Variants in ZNF366 observed in about 807,000 individuals in gnomAD.
ZNF366 encodes the protein zinc finger protein 366.
A neutral mutation model predicts 47.2 loss-of-function variants in ZNF366; 20 were observed. That is an observed-to-expected ratio of 0.42 (90% CI 0.30 to 0.62). The LOEUF is 0.62. ZNF366 is among the 20% of genes least tolerant of loss of function. The probability of loss-of-function intolerance (pLI) is 0.16; values close to 1 mark genes in which losing one functional copy is unlikely to be tolerated. For missense variants in ZNF366, 987 were observed against 976.3 expected, an observed-to-expected ratio of 1.01 and a Z score of -0.15; for synonymous variants, 421 against 395.1, an observed-to-expected ratio of 1.07 and a Z score of -0.78.
At chr5:72,447,549 A>G in intron 3 of ZNF366, 132 bp from the exon 4 acceptor site, 2 of 1,096,080 alleles carry the variant, frequency 1.8e-6, no homozygotes, top group Non-Finnish European at 2.6e-6. Context: ...GAAAATGTCC[A>G]TAAGGAAATC....
intron 1 of ZNF366, among the ~76,000 whole-genome samples, chr5:72,504,086 C>CACACACACACGCACACACACAT: frequency 6.6e-6 from 1 of 151,502 alleles, no homozygotes; most frequent in Non-Finnish European, 1.5e-5. Context: ...CACACATGCG[C>CACACACACACGCACACACACAT]GCGCACACAC....
intron 4 of ZNF366, among the ~76,000 whole-genome samples, chr5:72,445,707 C>A (rs1742946266): frequency 6.6e-6 from 1 of 152,162 alleles, no homozygotes; most frequent in Admixed American, 6.5e-5. Flanking sequence ...GTGTGGTCTC[C>A]TCACTGACTT....
rs149274675 is a variant in ZNF366 at position 72,490,998 on chromosome 5, G to A, written c.-15+16253C>T. Among the ~76,000 whole-genome samples, 126 of 152,300 alleles carry A rather than the reference G, an allele frequency of 8.3e-4. 1 individual carries two copies. The highest frequency in any genetic ancestry group is 2.7e-3 in the African/African-American group (114 of 41,578). On this transcript the variant is annotated intron_variant, in intron 1 of 4. Coordinates refer to ENST00000318442, the MANE Select transcript of ZNF366 (RefSeq NM_152625.3). ...TCCCTGACCTGTGGACTCTGAGTCC[G>A]AAGAAGACAGGGTCAGCTCTGAGCT... is the stretch of plus-strand genomic sequence containing the variant.
intron 3 of ZNF366, among the ~76,000 whole-genome samples, chr5:72,449,163 G>T (rs1743014146): frequency 6.6e-6 from 1 of 152,002 alleles, no homozygotes; most frequent in African/African-American, 2.4e-5. Flanking sequence ...TCAATCTGTG[G>T]CTCAGCATGC....
rs771722960 is a variant in ZNF366, at chr5:72,461,539, T to C, written c.-14-29A>G. 1.6e-5 allele frequency: 25 copies of C among 1,516,674 alleles called. No homozygotes were observed. In the Middle Eastern group the frequency reaches 7.1e-4, roughly 43 times the overall value. The allele number at this position is 1,516,674 out of a possible 1,614,324, so 94.0% of individuals were successfully genotyped here. On this transcript the variant is annotated intron_variant, in intron 1 of 4. Coordinates refer to ENST00000318442, the MANE Select transcript of ZNF366 (RefSeq NM_152625.3). ...TAAAGAGAAAGAAACTTGTGTGTTT[T>C]GGTTTGGTTTTGTTTAAAATTCTCT... is the stretch of plus-strand genomic sequence containing the variant.
chr5:72,497,286 C>T (rs566962032), intron 1 of ZNF366, among the ~76,000 whole-genome samples: 3 of 152,226 alleles, frequency 2.0e-5, no homozygotes, highest in South Asian at 4.1e-4. Context: ...TACATTCAGG[C>T]CTATGATCTA....
At position 72,442,963 on chromosome 5, in the gene ZNF366, T is replaced by G. The variant is rs1468018335; in HGVS notation, c.*793A>C. On this transcript the variant is annotated 3_prime_UTR_variant, in exon 5 of 5. Coordinates refer to ENST00000318442, the MANE Select transcript of ZNF366 (RefSeq NM_152625.3). ...GGCGTGAGCCTCTGCGCCCGGCCCC[T>G]GCATCTGTCTTATGGGGCATGAGGC... 6.6e-6 allele frequency: 1 copy of G among 152,412 alleles called. No individual in the cohort carries two copies. The allele number at this position is 152,412 out of a possible 1,614,324, so 9.4% of individuals were successfully genotyped here. A position where few individuals can be genotyped will look rare whatever the true frequency, so the allele number is the denominator to read the frequency against.
Position 72,444,195 on chromosome 5 carries a change from G to A in ZNF366, c.1796C>T (p.Ala599Val), listed in dbSNP as rs201639917. 9 of 1,613,436 alleles carry A rather than the reference G, an allele frequency of 5.6e-6. No homozygotes were observed. The East Asian group carries it at 2.0e-4, about 36-fold the overall frequency. Residue 599 changes from alanine to valine, a missense_variant, in exon 5 of 5, where the codon GCC (alanine) becomes GTC (valine). Transcript: ENST00000318442. ...EPFDLSQKRR[A>V]KVPVFQSDGE... ...GTCTGACTGGAACACCGGCACCTTG[G>A]CCCGGCGCTTCTGAGAGAGGTCAAA...
At chr5:72,456,212 C>T (rs145776949) in intron 3 of ZNF366, among the ~76,000 whole-genome samples, 192 bp downstream of exon 3, 10 of 152,292 alleles carry the variant, frequency 6.6e-5, no homozygotes, top group Admixed American at 1.3e-4. Context: ...TCCTTAGGGA[C>T]CTCCAGCCTG....
chr5:72,461,888 A>G (rs1743321150), intron 1 of ZNF366, among the ~76,000 whole-genome samples: 1 of 152,206 alleles, frequency 6.6e-6, no homozygotes, highest in Non-Finnish European at 1.5e-5. Context: ...AAATGAAATG[A>G]CATTCTCAAG....
chr5:72,443,982 G>T lies in ZNF366; in HGVS notation c.2009C>A (p.Ala670Glu). ...CCTCTTCTCCCATTCTCCCTTGGAT[G>T]CATCCTCCTTCTCCTCCTTGCAGGC... ...EEACKEEKEDASKGEWEKRSK... is the reference protein window; with the variant it reads ...EEACKEEKEDESKGEWEKRSK... The change falls in exon 5 of 5, where the codon GCA becomes GAA. Residue 670 changes from alanine to glutamate, a missense_variant. Coordinates refer to ENST00000318442, the MANE Select transcript of ZNF366 (RefSeq NM_152625.3). 1 of 1,614,162 alleles carries T rather than the reference G, an allele frequency of 6.2e-7. No individual in the cohort carries two copies. The highest frequency in any genetic ancestry group is 1.1e-5 in the South Asian group (1 of 91,074).
At chr5:72,502,845 C>T (rs760086661) in intron 1 of ZNF366, among the ~76,000 whole-genome samples, 2 of 152,122 alleles carry the variant, frequency 1.3e-5, no homozygotes, top group Admixed American at 6.6e-5. Context: ...GCTATTCCAC[C>T]GGGCGCAGTA....
intron 1 of ZNF366, among the ~76,000 whole-genome samples, chr5:72,487,478 C>A (rs2112348768): frequency 6.6e-6 from 1 of 152,264 alleles, no homozygotes; most frequent in South Asian, 2.1e-4. Flanking sequence ...TTCCATATGC[C>A]TTTTAAGGCC....
chr5:72,490,634 G>A (rs548788026), intron 1 of ZNF366, among the ~76,000 whole-genome samples: 2 of 152,288 alleles, frequency 1.3e-5, no homozygotes, highest in Admixed American at 6.5e-5. Flanking sequence ...CCTTCTCAAT[G>A]GGGGCAATGG....
At chr5:72,477,840 G>A (rs570753915) in intron 1 of ZNF366, among the ~76,000 whole-genome samples, 36 of 152,158 alleles carry the variant, frequency 2.4e-4, no homozygotes, top group African/African-American at 6.7e-4. Context: ...ATAAACAAAC[G>A]GAAGTGGCTG....
intron 2 of ZNF366, among the ~76,000 whole-genome samples, chr5:72,459,634 C>A (rs2112326780): frequency 6.6e-6 from 1 of 152,366 alleles, no homozygotes; most frequent in South Asian, 2.1e-4. Flanking sequence ...ATAGGCCCTG[C>A]CGGCCTCAGC....
chr5:72,491,244 G>T (rs775219557), intron 1 of ZNF366, among the ~76,000 whole-genome samples: 1 of 152,222 alleles, frequency 6.6e-6, no homozygotes, highest in African/African-American at 2.4e-5. Context: ...ACACATCATT[G>T]CAGAATTCAT....
At chr5:72,462,160 G>A (rs1223516837) in intron 1 of ZNF366, among the ~76,000 whole-genome samples, 5 of 152,154 alleles carry the variant, frequency 3.3e-5, no homozygotes, top group Admixed American at 1.3e-4. Flanking sequence ...TCTGAGTAAG[G>A]TGTGCTACTA....
chr5:72,459,137 G>A (rs1743251238), intron 2 of ZNF366, among the ~76,000 whole-genome samples: 1 of 152,200 alleles, frequency 6.6e-6, no homozygotes, highest in Admixed American at 6.5e-5. Flanking sequence ...CATCTCTGTG[G>A]CAGAGCCAGA....
Sources: gnomAD v4.1 joint callset for allele counts (sites outside exome capture counted in the v4.1 genomes callset) on GRCh38, gnomAD v4.1.1 for gene constraint, MANE v1.5 for transcripts, NCBI Gene and HGNC (gene_info 2026-07-23, HGNC 2026-07-21) for gene names.